The following PCDHGB1 variants were observed in gnomAD, a reference collection of about 807,000 sequenced individuals.
The protein encoded by PCDHGB1 is protocadherin gamma subfamily B, 1, also known as protocadherin gamma-B1.
A neutral mutation model predicts 56.6 loss-of-function variants in PCDHGB1; 34 were observed. The ratio of observed to expected loss-of-function variants is 0.60; its 90% CI spans 0.46 to 0.80. The LOEUF (loss-of-function observed/expected upper bound fraction) is 0.80. Among genes scored for constraint, PCDHGB1 ranks in the 30% least tolerant of loss-of-function variants. The pLI is 0.00. For synonymous variants in PCDHGB1, 561 were observed against 505.9 expected, an observed-to-expected ratio of 1.11 and a Z score of -1.46; for missense variants, 1,278 against 1,204.6, an observed-to-expected ratio of 1.06 and a Z score of -0.90.
At chr5:141,371,048 C>A in intron 1 of PCDHGB1, 2 of 1,613,890 alleles carry the variant, frequency 1.2e-6, no homozygotes, top group Non-Finnish European at 1.7e-6. Flanking sequence ...TGGATGGGGG[C>A]GAGCCCTCCA....
At chr5:141,362,367 T>A in intron 1 of PCDHGB1, 1 of 1,614,012 alleles carries the variant, frequency 6.2e-7, no homozygotes, top group Non-Finnish European at 8.5e-7. Context: ...CCAATTACAG[T>A]GAGGGTACAT....
intron 1 of PCDHGB1, chr5:141,409,742 G>T (rs763304955): frequency 5.0e-6 from 8 of 1,612,988 alleles, no homozygotes; most frequent in African/African-American, 1.3e-5. Flanking sequence ...GAGCGGGGTG[G>T]TGTTCGCGCA....
Position 141,491,422 on chromosome 5 carries a change from G to A in PCDHGB1, c.2410-3385G>A. 1 of 1,614,112 alleles carries A rather than the reference G, an allele frequency of 6.2e-7. No individual in the cohort carries two copies. Among genetic ancestry groups the A allele is most frequent in the East Asian group, 2.2e-5 (1 of 44,874 alleles). On this transcript the variant is annotated intron_variant, in intron 1 of 3. Coordinates refer to ENST00000523390, the MANE Select transcript of PCDHGB1 (RefSeq NM_018922.3). The surrounding 1 kb of genome is among the most constrained non-coding windows in gnomAD (Gnocchi z 6.9). The stretch of plus-strand genomic sequence containing the variant: ...AAACGCAGACGGGGACGGGGGTGGA[G>A]GGCAGTGCTGCAGGCGCCAGGACTC...
At chr5:141,409,097 G>C in intron 1 of PCDHGB1, 1 of 1,613,958 alleles carries the variant, frequency 6.2e-7, no homozygotes, top group Non-Finnish European at 8.5e-7. Context: ...TGAGAAAACA[G>C]GTATGATTAA....
Position 141,502,866 on chromosome 5 carries a change from C to CTTTTTTTTTTTTT in PCDHGB1, c.2469-2525_2469-2513dup, listed in dbSNP as rs549047197. ...GAGCTGCCTAACCCTGACTCTCTGT[C>CTTTTTTTTTTTTT]TTTTTTTTTTTTTTGACAGGGAGTC... On this transcript the variant is annotated intron_variant, in intron 2 of 3. Transcript: ENST00000523390. Among the ~76,000 whole-genome samples, 40 of 128,010 alleles carry CTTTTTTTTTTTTT rather than the reference C, an allele frequency of 3.1e-4. 6 individuals carry two copies. The highest frequency in any genetic ancestry group is 5.1e-4 in the Admixed American group (6 of 11,656). 84.0% of individuals were successfully genotyped at this position (128,010 alleles called of 152,430 possible). A position where few individuals can be genotyped will look rare whatever the true frequency, so the allele number is the denominator to read the frequency against.
chr5:141,476,036 A>G lies in PCDHGB1; in HGVS notation c.2410-18771A>G. The G allele has an allele frequency of 1.4e-6, 2 of 1,471,164 alleles. No individual in the cohort carries two copies. Among genetic ancestry groups the G allele is most frequent in the Non-Finnish European group, 1.8e-6 (2 of 1,106,602 alleles). 91.1% of individuals were successfully genotyped at this position (1,471,164 alleles called of 1,614,324 possible). ...ATGTCGGACTCGGCGCCCAGCGCCCAAGCGCTAACCCGCTGAAAGTTTCTC... is the reference window on the plus strand; with the variant it reads ...ATGTCGGACTCGGCGCCCAGCGCCCGAGCGCTAACCCGCTGAAAGTTTCTC... On this transcript the variant is annotated intron_variant, in intron 1 of 3. Transcript: ENST00000523390. The surrounding 1 kb of genome is among the most constrained non-coding windows in gnomAD (Gnocchi z 7.6).
chr5:141,404,000 A>T (rs758512396), intron 1 of PCDHGB1: 2 of 1,613,956 alleles, frequency 1.2e-6, no homozygotes, highest in South Asian at 1.1e-5. Context: ...AGTGACCATT[A>T]CATCTCTGTT....
intron 1 of PCDHGB1, chr5:141,377,576 A>G (rs1241799520): frequency 1.3e-5 from 2 of 151,642 alleles, no homozygotes; most frequent in African/African-American, 2.4e-5. Context: ...AGCCTGGGAG[A>G]CAGAATGAGA....
At chr5:141,421,705 G>C (rs1249601582) in intron 1 of PCDHGB1, 1 of 1,613,944 alleles carries the variant, frequency 6.2e-7, no homozygotes, top group Non-Finnish European at 8.5e-7. Context: ...TAATGCTAGG[G>C]ATCCAGATGT....
intron 1 of PCDHGB1, chr5:141,366,660 A>G: frequency 1.2e-6 from 2 of 1,614,254 alleles, no homozygotes; most frequent in Non-Finnish European, 1.7e-6. Context: ...AACTACGCAG[A>G]CACGCTCCTT....
chr5:141,381,835 T>TCTTTCTTCTTC (rs1561589443), intron 1 of PCDHGB1, among the ~76,000 whole-genome samples: 174 of 141,116 alleles, frequency 1.2e-3, no homozygotes, highest in African/African-American at 4.6e-3. Flanking sequence ...TCTTTTTTTT[T>TCTTTCTTCTTC]TTTTTTTTTT....
chr5:141,446,757 G>A (rs769049265), intron 1 of PCDHGB1, among the ~76,000 whole-genome samples: 10 of 152,158 alleles, frequency 6.6e-5, no homozygotes, highest in African/African-American at 1.4e-4. Context: ...GTGAGCCACC[G>A]CGCCCAGCCG....
intron 1 of PCDHGB1, chr5:141,374,117 G>T: frequency 1.9e-6 from 3 of 1,587,564 alleles, no homozygotes; most frequent in South Asian, 1.1e-5. Context: ...GCAGCGCAGC[G>T]AGCAGGTCCT....
rs775290219 is a variant in PCDHGB1 at position 141,423,576 on chromosome 5, G to A, written c.2409+70907G>A. On this transcript the variant is annotated intron_variant, in intron 1 of 3. Transcript: ENST00000523390. ...ACTATGGGGACACGCTCATCAGCCAGGAGAGCTGTGAGAAAAGCGAGCCAC... is the reference window on the plus strand; with the variant it reads ...ACTATGGGGACACGCTCATCAGCCAAGAGAGCTGTGAGAAAAGCGAGCCAC... The A allele has an allele frequency of 1.9e-6, 3 of 1,613,588 alleles. No homozygotes were observed. In the Admixed American group the frequency reaches 5.0e-5, roughly 27 times the overall value.
At chr5:141,500,499 G>A (rs531501031) in intron 2 of PCDHGB1, among the ~76,000 whole-genome samples, 11 of 151,970 alleles carry the variant, frequency 7.2e-5, no homozygotes, top group African/African-American at 2.7e-4. Context: ...GTGAGCCACC[G>A]CGCCTGGCCG....
intron 1 of PCDHGB1, chr5:141,384,055 A>G (rs764578426): frequency 7.5e-6 from 12 of 1,610,418 alleles, no homozygotes; most frequent in Non-Finnish European, 1.0e-5. Context: ...GACCTGCACC[A>G]TTCCAGAAAA....
chr5:141,488,095 A>G (rs78361634), intron 1 of PCDHGB1, among the ~76,000 whole-genome samples: 8,142 of 152,146 alleles, frequency 0.054, 446 homozygotes, highest in African/African-American at 0.15. Flanking sequence ...CTGTGAAGGG[A>G]CCTCTCTATT....
Position 141,489,161 on chromosome 5 carries a change from A to T in PCDHGB1, c.2410-5646A>T. ...GCTGGAAGGAGACATAAGAGACTTC[A>T]GCTGCTGCATTCCAAGCCCTGGGTC... On this transcript the variant is annotated intron_variant, in intron 1 of 3. Coordinates refer to ENST00000523390, the MANE Select transcript of PCDHGB1 (RefSeq NM_018922.3). The surrounding 1 kb of genome is among the most constrained non-coding windows in gnomAD (Gnocchi z 4.5). 1.9e-6 allele frequency: 2 copies of T among 1,040,278 alleles called. No individual in the cohort carries two copies. The highest frequency in any genetic ancestry group is 2.8e-6 in the Non-Finnish European group (2 of 709,676). 64.4% of individuals were successfully genotyped at this position (1,040,278 alleles called of 1,614,324 possible).
chr5:141,459,295 A>C (rs571675117), intron 1 of PCDHGB1, among the ~76,000 whole-genome samples: 2 of 152,368 alleles, frequency 1.3e-5, no homozygotes, highest in South Asian at 4.1e-4. Context: ...ATGGAATCCT[A>C]TAACATATAC....
Sources: allele counts gnomAD v4.1 joint callset (sites outside exome capture counted in the v4.1 genomes callset), GRCh38; gene constraint gnomAD v4.1.1; non-coding constraint Gnocchi (gnomAD v3.1); transcripts MANE v1.5; gene names NCBI Gene and HGNC (gene_info 2026-07-23, HGNC 2026-07-21).